PKHD1: variants seen among roughly 807,000 people sequenced by gnomAD.
PKHD1 encodes the protein fibrocystin.
PKHD1 carries 291 observed loss-of-function variants against 412.0 expected under a neutral mutation model. The observed-to-expected ratio is 0.71, with a 90% confidence interval of 0.64 to 0.78. PKHD1 has a LOEUF of 0.78. Among genes scored for constraint, PKHD1 ranks in the 30% least tolerant of loss-of-function variants. PKHD1 has a pLI of 0.00. For missense variants in PKHD1, 4,825 were observed against 4,950.7 expected (o/e 0.97, Z 0.76); for synonymous variants, 1,777 against 1,821.5 (o/e 0.98, Z 0.62).
At position 51,841,407 on chromosome 6, in the gene PKHD1, T is replaced by C. The variant is rs536408107; in HGVS notation, c.8108-4938A>G. On this transcript the variant is annotated intron_variant, in intron 50 of 66. Coordinates refer to ENST00000371117, the MANE Select transcript of PKHD1 (RefSeq NM_138694.4). The stretch of plus-strand genomic sequence containing the variant: ...CCTCCTCTCCTCTTCTCTCCTCTCC[T>C]CTCCTTTCCTTCCTTTTCTCCTTCT... Among the ~76,000 whole-genome samples the C allele has an allele frequency of 7.1e-4, 108 of 152,260 alleles. 1 individual carries two copies. Among genetic ancestry groups the C allele is most frequent in the Middle Eastern group, 3.4e-3 (1 of 294 alleles).
chr6:51,659,420 A>T lies in PKHD1; in HGVS notation c.10706T>A (p.Val3569Asp). Residue 3569 changes from valine to aspartate, a missense_variant, in exon 61 of 67, where the codon GTT becomes GAT. Val to Asp is a radical substitution (Grantham distance 152). Coordinates refer to ENST00000371117, the MANE Select transcript of PKHD1 (RefSeq NM_138694.4). ...VSIHLALTVM[V>D]SVLEKGWEIV... ...TTCCCAGCCTTTTTCTAAGACTGAAACCATCACAGTGAGGGCCAAGTGAAT... is the reference window on the plus strand; with the variant it reads ...TTCCCAGCCTTTTTCTAAGACTGAATCCATCACAGTGAGGGCCAAGTGAAT... The T allele has an allele frequency of 6.2e-7, 1 of 1,613,686 alleles. No individual in the cohort carries two copies. Among genetic ancestry groups the T allele is most frequent in the Non-Finnish European group, 8.5e-7 (1 of 1,179,834 alleles).
In PKHD1 at chr6:51,848,174, G is replaced by A. The variant is rs145172751; in HGVS notation, c.7912-204C>T. On this transcript the variant is annotated intron_variant, in intron 49 of 66. Transcript: ENST00000371117. ...ACTTCATAAAAAATTCATAACTAGAGCTACAAAATCAGACTATGAAGACTG... is the reference window on the plus strand; with the variant it reads ...ACTTCATAAAAAATTCATAACTAGAACTACAAAATCAGACTATGAAGACTG... Among the ~76,000 whole-genome samples the A allele has an allele frequency of 1.3e-4, 20 of 152,216 alleles. 1 individual carries two copies. In the East Asian group the frequency reaches 3.7e-3, roughly 28 times the overall value.
intron 47 of PKHD1, among the ~76,000 whole-genome samples, chr6:51,869,732 C>G (rs1219171111): frequency 2.0e-5 from 3 of 151,944 alleles, no homozygotes; most frequent in Non-Finnish European, 1.5e-5. Flanking sequence ...TTTCTACAAT[C>G]CTAAACTCAG....
intron 53 of PKHD1, among the ~76,000 whole-genome samples, chr6:51,788,987 A>AC (rs1793319182): frequency 6.6e-6 from 1 of 152,026 alleles, no homozygotes; most frequent in African/African-American, 2.4e-5. Context: ...GTGGATTTGG[A>AC]CCCCCAACAT....
At chr6:51,649,256 G>A (rs1240710474) in intron 61 of PKHD1, 36 bp from the exon 62 acceptor site, 4 of 1,516,340 alleles carry the variant, frequency 2.6e-6, no homozygotes, top group Non-Finnish European at 2.7e-6. Context: ...TACATCCTTA[G>A]GATTACACAT....
intron 60 of PKHD1, among the ~76,000 whole-genome samples, chr6:51,717,934 C>T (rs889325246): frequency 1.3e-5 from 2 of 152,132 alleles, no homozygotes; most frequent in African/African-American, 4.8e-5. Flanking sequence ...TTGCCTTGAC[C>T]CTCATCACAA....
chr6:51,988,705 CA>C (rs1216241199), intron 35 of PKHD1, among the ~76,000 whole-genome samples: 12 of 152,158 alleles, frequency 7.9e-5, no homozygotes, highest in Non-Finnish European at 1.8e-4. Context: ...ATTTAAAACT[CA>C]AAAACCTTGC....
At chr6:51,998,421 G>A (rs1797959795) in intron 35 of PKHD1, among the ~76,000 whole-genome samples, 1 of 152,164 alleles carries the variant, frequency 6.6e-6, no homozygotes, top group East Asian at 1.9e-4. Flanking sequence ...ATTCTCTTAG[G>A]TAAAGGAGAA....
At chr6:51,885,399 G>A (rs4715258) in intron 45 of PKHD1, among the ~76,000 whole-genome samples, 46,950 of 152,010 alleles carry the variant, frequency 0.31, 8,792 homozygotes, top group East Asian at 0.74. Context: ...TTAAGACTGG[G>A]GCATGTATTA....
chr6:51,792,789 A>G (rs1582720072), intron 52 of PKHD1, among the ~76,000 whole-genome samples: 1 of 152,120 alleles, frequency 6.6e-6, no homozygotes, highest in Non-Finnish European at 1.5e-5. Context: ...CTAGCAAGCT[A>G]TTCTCTCTCC....
At chr6:51,843,127 G>A (rs532061452) in intron 50 of PKHD1, among the ~76,000 whole-genome samples, 3 of 152,188 alleles carry the variant, frequency 2.0e-5, no homozygotes, top group South Asian at 2.1e-4. Flanking sequence ...CGAGAGGATC[G>A]TTAGAGAGGC....
intron 63 of PKHD1, among the ~76,000 whole-genome samples, chr6:51,640,583 G>C (rs1377364891): frequency 1.3e-5 from 2 of 152,072 alleles, no homozygotes; most frequent in African/African-American, 2.4e-5. Flanking sequence ...GGGATGGGGT[G>C]GGGTGCTGGG....
intron 35 of PKHD1, among the ~76,000 whole-genome samples, chr6:51,970,448 A>C (rs2127990378): frequency 6.6e-6 from 1 of 152,230 alleles, no homozygotes; most frequent in African/African-American, 2.4e-5. Context: ...GAAGGTTTTT[A>C]GTTTTACTAG....
At chr6:51,675,177 A>G (rs13220083) in intron 60 of PKHD1, among the ~76,000 whole-genome samples, 1 of 152,156 alleles carries the variant, frequency 6.6e-6, no homozygotes, top group Non-Finnish European at 1.5e-5. Flanking sequence ...CAGAGAATAC[A>G]CATTAACTAC....
Position 51,685,862 on chromosome 6 carries a change from T to C in PKHD1, c.10157-25893A>G, listed in dbSNP as rs373013397. Among the ~76,000 whole-genome samples the C allele has an allele frequency of 3.9e-5, 6 of 152,202 alleles. No homozygotes were observed. The East Asian group carries it at 1.2e-3, about 29-fold the overall frequency. ...GTCTGCTGGTGTGAGGGGTGGAAGA[T>C]ATGGTGGAGCCTTGGAAAACTCACT... On this transcript the variant is annotated intron_variant, in intron 60 of 66. Coordinates refer to ENST00000371117, the MANE Select transcript of PKHD1 (RefSeq NM_138694.4).
intron 61 of PKHD1, among the ~76,000 whole-genome samples, chr6:51,649,934 C>T (rs1034563204): frequency 1.3e-5 from 2 of 152,122 alleles, no homozygotes; most frequent in Admixed American, 6.6e-5. Flanking sequence ...ATACTATATA[C>T]CAAGTTCCAT....
At chr6:51,794,291 A>G (rs1794234717) in intron 52 of PKHD1, among the ~76,000 whole-genome samples, 1 of 151,928 alleles carries the variant, frequency 6.6e-6, no homozygotes, top group Non-Finnish European at 1.5e-5. Flanking sequence ...AGTGATGTTA[A>G]GCTTTTTTTC....
chr6:51,669,615 T>C (rs1338537916), intron 60 of PKHD1, among the ~76,000 whole-genome samples: 2 of 130,116 alleles, frequency 1.5e-5, no homozygotes, highest in African/African-American at 3.1e-5. Context: ...CTCTTGCTTT[T>C]CTAGTTCTTT....
intron 60 of PKHD1, among the ~76,000 whole-genome samples, chr6:51,704,155 C>G (rs1779753696): frequency 6.6e-6 from 1 of 152,046 alleles, no homozygotes; most frequent in Admixed American, 6.6e-5. Flanking sequence ...TTCTGGCATG[C>G]AATCTATTTT....
Sources: allele counts gnomAD v4.1 joint callset (sites outside exome capture counted in the v4.1 genomes callset), GRCh38; gene constraint gnomAD v4.1.1; transcripts MANE v1.5; gene names NCBI Gene and HGNC (gene_info 2026-07-23, HGNC 2026-07-21).